Variants in SLC41A2 observed in about 807,000 individuals in gnomAD.
SLC41A2 encodes the protein solute carrier family 41 member 2.
A neutral mutation model predicts 58.3 loss-of-function variants in SLC41A2; 32 were observed. That is an observed-to-expected ratio of 0.55 (90% confidence interval 0.41 to 0.74). SLC41A2 has a LOEUF of 0.74. SLC41A2 is among the 30% of genes least tolerant of loss of function. The pLI, the probability that SLC41A2 is intolerant of heterozygous loss-of-function variation, is 0.00. For missense variants in SLC41A2, 514 were observed against 680.6 expected, an observed-to-expected ratio of 0.76 and a Z score of 2.72; for synonymous variants, 190 against 235.0, an observed-to-expected ratio of 0.81 and a Z score of 1.75.
intron 2 of SLC41A2, among the ~76,000 whole-genome samples, chr12:104,919,580 C>T (rs1593142743): frequency 1.3e-5 from 2 of 152,278 alleles, no homozygotes; most frequent in African/African-American, 2.4e-5. Flanking sequence ...TTTTCATTTG[C>T]ATTTCTCTAA....
chr12:104,863,085 A>G (rs111610260), intron 7 of SLC41A2, among the ~76,000 whole-genome samples: 12 of 152,368 alleles, frequency 7.9e-5, no homozygotes, highest in African/African-American at 2.9e-4. Context: ...AAATGATAAA[A>G]GTAGTTTTAT....
At chr12:104,957,650 A>G (rs2048217582) in intron 1 of SLC41A2, among the ~76,000 whole-genome samples, 1 of 152,230 alleles carries the variant, frequency 6.6e-6, no homozygotes, top group African/African-American at 2.4e-5. Context: ...TAAATTTGAG[A>G]TATGCTCCGT....
chr12:104,859,358 T>C (rs1466839326), intron 8 of SLC41A2, among the ~76,000 whole-genome samples: 3 of 152,156 alleles, frequency 2.0e-5, no homozygotes, highest in East Asian at 3.9e-4. Context: ...TTGCCTCAAA[T>C]AGAGAGTGAG....
At chr12:104,913,222 T>A (rs962541213) in intron 2 of SLC41A2, among the ~76,000 whole-genome samples, 2 of 152,128 alleles carry the variant, frequency 1.3e-5, no homozygotes, top group Non-Finnish European at 2.9e-5. Flanking sequence ...CAAAACCAAC[T>A]GAAAGAACAC....
intron 10 of SLC41A2, among the ~76,000 whole-genome samples, chr12:104,830,503 G>T (rs2042001595): frequency 6.6e-6 from 1 of 152,076 alleles, no homozygotes; most frequent in Non-Finnish European, 1.5e-5. Flanking sequence ...TTGATCCAAG[G>T]TTAGTTGAAT....
intron 5 of SLC41A2, among the ~76,000 whole-genome samples, chr12:104,888,418 T>C (rs998851079): frequency 3.9e-5 from 6 of 152,120 alleles, no homozygotes; most frequent in Non-Finnish European, 8.8e-5. Flanking sequence ...TCTTTATGAT[T>C]GTGATTCCAC....
intron 10 of SLC41A2, among the ~76,000 whole-genome samples, chr12:104,814,901 A>G (rs184422833): frequency 4.1e-4 from 63 of 152,300 alleles, no homozygotes; most frequent in African/African-American, 1.5e-3. Context: ...AAAACGAATA[A>G]ATTTATGTCT....
At chr12:104,852,964 G>A (rs539372455) in intron 8 of SLC41A2, among the ~76,000 whole-genome samples, 1 of 152,096 alleles carries the variant, frequency 6.6e-6, no homozygotes, top group Non-Finnish European at 1.5e-5. Flanking sequence ...TAAAGCCAGT[G>A]GAGAGCATCT....
At chr12:104,901,688 C>T (rs923045528) in intron 3 of SLC41A2, among the ~76,000 whole-genome samples, 7 of 151,926 alleles carry the variant, frequency 4.6e-5, no homozygotes, top group East Asian at 3.9e-4. Context: ...TAGCTAAGAC[C>T]GCAGGTATGT....
rs376182764 is a variant in SLC41A2, at chr12:104,927,994, G to A, written c.534C>T (p.Gly178=). ...LLAGFGTVSA[G]MVLDIVQHWE... is the part of the protein sequence containing the mutation. Reference sequence around the variant, plus strand: ...CCACCTGTACTATATCCAGTACCATGCCAGCTGAAACTGTTCCAAAACCAG... The same window carrying A: ...CCACCTGTACTATATCCAGTACCATACCAGCTGAAACTGTTCCAAAACCAG... Residue 178 remains glycine (G), a synonymous_variant, in exon 2 of 11, where the codon GGC becomes GGT. Transcript: ENST00000258538. The A allele has an allele frequency of 7.9e-5, 127 of 1,609,048 alleles. No homozygotes were observed. Among genetic ancestry groups the A allele is most frequent in the Non-Finnish European group, 1.0e-4 (121 of 1,177,504 alleles).
At chr12:104,888,267 A>G (rs1256129864) in intron 5 of SLC41A2, among the ~76,000 whole-genome samples, 2 of 152,088 alleles carry the variant, frequency 1.3e-5, no homozygotes, top group Admixed American at 6.6e-5. Context: ...TATAATTTTA[A>G]TAAGATTCCC....
chr12:104,911,237 A>C (rs1039280983), intron 2 of SLC41A2, among the ~76,000 whole-genome samples: 9 of 152,284 alleles, frequency 5.9e-5, no homozygotes, highest in South Asian at 2.1e-4. Context: ...TCTGTCCCCC[A>C]AAAAATGTAC....
At chr12:104,954,386 T>C (rs1488225399) in intron 1 of SLC41A2, among the ~76,000 whole-genome samples, 1 of 152,220 alleles carries the variant, frequency 6.6e-6, no homozygotes, top group African/African-American at 2.4e-5. Context: ...CCTACCCTCA[T>C]CTACCATAAA....
At chr12:104,855,163 T>C (rs1387949835) in intron 8 of SLC41A2, among the ~76,000 whole-genome samples, 1 of 152,230 alleles carries the variant, frequency 6.6e-6, no homozygotes, top group East Asian at 1.9e-4. Flanking sequence ...AATTAATTAA[T>C]ATGAAGTCTA....
intron 1 of SLC41A2, among the ~76,000 whole-genome samples, chr12:104,929,699 C>A (rs1479558527): frequency 6.6e-6 from 1 of 152,206 alleles, no homozygotes; most frequent in Non-Finnish European, 1.5e-5. Context: ...CTCAGAAACA[C>A]CTAGGCCTGT....
chr12:104,906,749 G>A (rs921272372), intron 3 of SLC41A2, among the ~76,000 whole-genome samples: 6 of 152,032 alleles, frequency 3.9e-5, no homozygotes, highest in South Asian at 2.1e-4. Flanking sequence ...AACGACGAAC[G>A]CATTTAACAT....
chr12:104,928,394 A>G lies in SLC41A2; in HGVS notation c.134T>C (p.Met45Thr), dbSNP rs2046932053. 2 of 1,573,002 alleles carry G rather than the reference A, an allele frequency of 1.3e-6. No homozygotes were observed. ...SDKFLNLLLS[M>T]VPVIYQKNQE... is the part of the protein sequence containing the mutation. ...GTTTTTCTGGTAAATCACTGGAACCATACTCAAGAGTAAATTTAAAAACTT... is the reference window on the plus strand; with the variant it reads ...GTTTTTCTGGTAAATCACTGGAACCGTACTCAAGAGTAAATTTAAAAACTT... Residue 45 changes from methionine to threonine, a missense_variant, in exon 2 of 11, where the codon ATG becomes ACG. This residue lies in a region of SLC41A2 where 336 missense variants were observed against 430.0 expected (regional missense o/e 0.78). Coordinates refer to ENST00000258538, the MANE Select transcript of SLC41A2 (RefSeq NM_001352171.3).
intron 2 of SLC41A2, among the ~76,000 whole-genome samples, chr12:104,914,563 C>T (rs1446579581): frequency 1.3e-5 from 2 of 152,112 alleles, no homozygotes; most frequent in Non-Finnish European, 2.9e-5. Context: ...ACAGTGCATC[C>T]AGGAGACATC....
At chr12:104,842,270 G>A (rs1338190987) in intron 10 of SLC41A2, among the ~76,000 whole-genome samples, 1 of 151,958 alleles carries the variant, frequency 6.6e-6, no homozygotes, top group African/African-American at 2.4e-5. Context: ...AGAACATGAA[G>A]ATTTGATCTA....
Sources: allele counts gnomAD v4.1 joint callset (sites outside exome capture counted in the v4.1 genomes callset), GRCh38; gene constraint gnomAD v4.1.1; regional missense constraint gnomAD v4.1.1; transcripts MANE v1.5; gene names NCBI Gene and HGNC (gene_info 2026-07-23, HGNC 2026-07-21).